PCDHA12: variants seen among roughly 807,000 people sequenced by gnomAD.
PCDHA12 encodes protocadherin alpha-12.
Under a neutral mutation model 60.0 loss-of-function variants are expected in PCDHA12, and 44 were observed. That is an observed-to-expected ratio of 0.73 (90% CI 0.58 to 0.94). The LOEUF is 0.94. Among genes scored for constraint, PCDHA12 ranks in the 40% least tolerant of loss-of-function variants. The probability of loss-of-function intolerance (pLI) is 0.00; values close to 1 mark genes in which losing one functional copy is unlikely to be tolerated. For synonymous variants in PCDHA12, 569 were observed against 553.0 expected, an observed-to-expected ratio of 1.03 and a Z score of -0.40; for missense variants, 1,276 against 1,239.7, an observed-to-expected ratio of 1.03 and a Z score of -0.44.
chr5:140,973,015 A>T (rs1554234824), intron 1 of PCDHA12, among the ~76,000 whole-genome samples: 1 of 152,000 alleles, frequency 6.6e-6, no homozygotes, highest in African/African-American at 2.4e-5. Context: ...TGGTGTTGTG[A>T]TTGTTAATGA....
chr5:140,959,491 G>A (rs761208761), intron 1 of PCDHA12, among the ~76,000 whole-genome samples: 6 of 151,956 alleles, frequency 3.9e-5, no homozygotes, highest in Non-Finnish European at 7.4e-5. Context: ...TGTTATATAT[G>A]GATCAAACTA....
chr5:140,940,549 A>G (rs1554213474), intron 1 of PCDHA12, among the ~76,000 whole-genome samples: 1 of 152,110 alleles, frequency 6.6e-6, no homozygotes, highest in Non-Finnish European at 1.5e-5. Context: ...CCTGGGCTCA[A>G]GTGATTCTCC....
At chr5:140,902,044 AT>A (rs1222362795) in intron 1 of PCDHA12, among the ~76,000 whole-genome samples, 1 of 152,016 alleles carries the variant, frequency 6.6e-6, no homozygotes, top group Admixed American at 6.6e-5. Flanking sequence ...TTGTATGTTG[AT>A]TTTGTATCCT....
At chr5:140,917,776 A>G (rs1222024686) in intron 1 of PCDHA12, among the ~76,000 whole-genome samples, 2 of 152,044 alleles carry the variant, frequency 1.3e-5, no homozygotes, top group Non-Finnish European at 2.9e-5. Flanking sequence ...TATTAGTACC[A>G]TGTTGTTTTG....
intron 1 of PCDHA12, among the ~76,000 whole-genome samples, chr5:140,911,064 T>C (rs2153516956): frequency 6.6e-6 from 1 of 152,226 alleles, no homozygotes; most frequent in African/African-American, 2.4e-5. Flanking sequence ...GGGTGGGTCC[T>C]GAGGAGAATC....
At chr5:140,927,824 A>C in intron 1 of PCDHA12, 1 of 1,614,182 alleles carries the variant, frequency 6.2e-7, no homozygotes, top group Non-Finnish European at 8.5e-7. Context: ...GCATACATTG[A>C]GGCGAGGGAC....
At chr5:140,932,967 T>C (rs367764644) in intron 1 of PCDHA12, among the ~76,000 whole-genome samples, 2 of 152,036 alleles carry the variant, frequency 1.3e-5, no homozygotes, top group South Asian at 2.1e-4. Context: ...TGCTGAAAGG[T>C]TTTTACAATG....
chr5:140,927,280 C>G, intron 1 of PCDHA12: 1 of 1,614,178 alleles, frequency 6.2e-7, no homozygotes, highest in Non-Finnish European at 8.5e-7. Flanking sequence ...CGGCGACGTG[C>G]AGCTGCACAT....
intron 1 of PCDHA12, chr5:140,967,692 G>C (rs781940460): frequency 6.2e-7 from 1 of 1,614,196 alleles, no homozygotes; most frequent in Admixed American, 1.7e-5. Flanking sequence ...CAGCTCTTCA[G>C]CATAGATGCC....
chr5:140,927,508 C>T lies in PCDHA12; in HGVS notation c.2367+49669C>T, dbSNP rs551245842. On this transcript the variant is annotated intron_variant, in intron 1 of 3. Coordinates refer to ENST00000398631, the MANE Select transcript of PCDHA12 (RefSeq NM_018903.4). The stretch of plus-strand genomic sequence containing the variant: ...CACCCACCTGCTGGTGCTTACAGCT[C>T]GGGACGGCGGGCTACCTGCCCGCTC... The T allele has an allele frequency of 9.9e-6, 16 of 1,614,074 alleles. No individual in the cohort carries two copies. In the South Asian group the frequency reaches 1.4e-4, roughly 14 times the overall value.
intron 1 of PCDHA12, among the ~76,000 whole-genome samples, chr5:140,944,072 A>C (rs868935645): frequency 6.6e-6 from 1 of 152,218 alleles, no homozygotes; most frequent in Non-Finnish European, 1.5e-5. Context: ...CTTGTTAAAG[A>C]TAAAGGAGGC....
intron 1 of PCDHA12, among the ~76,000 whole-genome samples, chr5:140,943,423 T>C (rs782562871): frequency 5.3e-5 from 8 of 152,080 alleles, no homozygotes; most frequent in Non-Finnish European, 7.4e-5. Context: ...GGCAAGGGCT[T>C]TAATATGATA....
In PCDHA12 at chr5:140,877,128, G is replaced by C. The variant is rs782052511; in HGVS notation, c.1656G>C (p.Gln552His). The C allele has an allele frequency of 3.1e-6, 5 of 1,613,762 alleles. No individual in the cohort carries two copies. Among genetic ancestry groups the C allele is most frequent in the Non-Finnish European group, 4.2e-6 (5 of 1,179,852 alleles). The change falls in exon 1 of 4, where the codon CAG becomes CAC. Residue 552 changes from glutamine (Q) to histidine (H), a missense_variant. Physicochemically the swap from Gln to His is conservative, Grantham distance 24 (BLOSUM62 0). Transcript: ENST00000398631. ...VPPLGSNVTL[Q>H]VFVLDENDNA... ...CTCTGGGCAGCAACGTGACGCTGCA[G>C]GTGTTCGTGCTGGACGAGAACGACA...
At chr5:140,900,014 T>C (rs1002415971) in intron 1 of PCDHA12, among the ~76,000 whole-genome samples, 1 of 152,032 alleles carries the variant, frequency 6.6e-6, no homozygotes, top group African/African-American at 2.4e-5. Flanking sequence ...CTCACTTTGT[T>C]ACCCAGTTTG....
At chr5:140,887,135 C>T (rs2061323683) in intron 1 of PCDHA12, among the ~76,000 whole-genome samples, 1 of 150,802 alleles carries the variant, frequency 6.6e-6, no homozygotes, top group Non-Finnish European at 1.5e-5. Context: ...CTCACTCTGT[C>T]GCCCAGGCTG....
At chr5:140,914,929 G>A (rs1167844428) in intron 1 of PCDHA12, among the ~76,000 whole-genome samples, 2 of 145,306 alleles carry the variant, frequency 1.4e-5, no homozygotes, top group African/African-American at 5.0e-5. Flanking sequence ...ATTGTACTAT[G>A]TTGTGAAAAG....
At chr5:140,927,915 C>T (rs200890211) in intron 1 of PCDHA12, 7 of 1,614,120 alleles carry the variant, frequency 4.3e-6, no homozygotes, top group Admixed American at 3.3e-5. Context: ...CCGAACTGGA[C>T]TTCCTGACTC....
intron 1 of PCDHA12, among the ~76,000 whole-genome samples, chr5:140,952,114 A>G (rs246038): frequency 0.56 from 85,531 of 151,814 alleles, 24,721 homozygotes; most frequent in African/African-American, 0.69. Flanking sequence ...CGTGTGAGGG[A>G]TGGGCTCCCA....
At chr5:140,987,045 C>G (rs1344958949) in intron 3 of PCDHA12, among the ~76,000 whole-genome samples, 1 of 151,982 alleles carries the variant, frequency 6.6e-6, no homozygotes, top group Non-Finnish European at 1.5e-5. Flanking sequence ...GAAACCCCAT[C>G]TCTACTAAAG....
Sources: gnomAD v4.1 joint callset for allele counts (sites outside exome capture counted in the v4.1 genomes callset) on GRCh38, gnomAD v4.1.1 for gene constraint, MANE v1.5 for transcripts, NCBI Gene and HGNC (gene_info 2026-07-23, HGNC 2026-07-21) for gene names.